TMEM178B: variants seen among roughly 807,000 people sequenced by gnomAD.
The protein encoded by TMEM178B is transmembrane protein 178B.
In TMEM178B, 5 loss-of-function variants were observed where a neutral mutation model predicts 31.0. The observed-to-expected ratio is 0.16, with a 90% CI of 0.08 to 0.34. The LOEUF (loss-of-function observed/expected upper bound fraction) is 0.34, where lower values mean the gene tolerates loss of function less well. Among genes scored for constraint, TMEM178B ranks in the 10% least tolerant of loss-of-function variants. The probability of loss-of-function intolerance (pLI) is 1.00; values close to 1 mark genes in which losing one functional copy is unlikely to be tolerated. For synonymous variants in TMEM178B, 164 were observed against 164.0 expected (o/e 1.00, Z 0.00); for missense variants, 275 against 400.3 (o/e 0.69, Z 2.67).
At chr7:141,363,097 AATC>A (rs1477828822) in intron 2 of TMEM178B, among the ~76,000 whole-genome samples, 4 of 152,186 alleles carry the variant, frequency 2.6e-5, no homozygotes, top group Non-Finnish European at 5.9e-5. Context: ...AGGAGACAAA[AATC>A]ATCGGAAAAG....
At chr7:141,138,515 AGGGT>A (rs2129178728) in intron 1 of TMEM178B, among the ~76,000 whole-genome samples, 1 of 151,828 alleles carries the variant, frequency 6.6e-6, no homozygotes, top group South Asian at 2.1e-4. Context: ...TTGCCTTCTG[AGGGT>A]GGGGGTGGAG....
chr7:141,244,733 A>G (rs1269657398), intron 2 of TMEM178B, among the ~76,000 whole-genome samples: 1 of 152,140 alleles, frequency 6.6e-6, no homozygotes, highest in African/African-American at 2.4e-5. Flanking sequence ...CATGGAATAG[A>G]GGTGATAGTG....
At chr7:141,369,759 G>C (rs1800078928) in intron 2 of TMEM178B, among the ~76,000 whole-genome samples, 1 of 152,138 alleles carries the variant, frequency 6.6e-6, no homozygotes, top group African/African-American at 2.4e-5. Context: ...TCTGTCCCCT[G>C]GAGCCGGGAT....
intron 2 of TMEM178B, among the ~76,000 whole-genome samples, chr7:141,362,480 A>C (rs1223202127): frequency 1.3e-5 from 2 of 152,022 alleles, no homozygotes; most frequent in Non-Finnish European, 2.9e-5. Flanking sequence ...ATTCTCTCCT[A>C]AGCAAGAAAG....
chr7:141,371,002 G>A (rs998103795), intron 2 of TMEM178B, among the ~76,000 whole-genome samples: 3 of 152,236 alleles, frequency 2.0e-5, no homozygotes, highest in Non-Finnish European at 2.9e-5. Flanking sequence ...CGCACTGACA[G>A]ATGAATGGGC....
chr7:141,174,566 A>G (rs908308706), intron 1 of TMEM178B, among the ~76,000 whole-genome samples: 1 of 152,164 alleles, frequency 6.6e-6, no homozygotes, highest in Non-Finnish European at 1.5e-5. Context: ...GAACTAATTT[A>G]CACTCCCACC....
intron 3 of TMEM178B, among the ~76,000 whole-genome samples, chr7:141,445,430 C>T (rs1045772964): frequency 9.2e-5 from 14 of 152,230 alleles, no homozygotes; most frequent in African/African-American, 3.4e-4. Flanking sequence ...GGTTTCCCCA[C>T]CAGCCTTTCC....
rs1454949254 is a variant in TMEM178B, at chr7:141,376,849, C to A, written c.497-60759C>A. 2.6e-5 allele frequency among the ~76,000 whole-genome samples: 4 copies of A among 152,158 alleles called. No homozygotes were observed. The East Asian group carries it at 7.7e-4, about 29-fold the overall frequency. ...AAAGGACATGACAATCAAATAAAAT[C>A]ATCCTTGATTAGATTAAATTGGAGA... On this transcript the variant is annotated intron_variant, in intron 2 of 3. Coordinates refer to ENST00000565468, the MANE Select transcript of TMEM178B (RefSeq NM_001195278.2).
intron 1 of TMEM178B, among the ~76,000 whole-genome samples, chr7:141,211,061 A>G (rs545333496): frequency 1.3e-5 from 2 of 152,262 alleles, no homozygotes; most frequent in South Asian, 2.1e-4. Flanking sequence ...GTGAATGTGA[A>G]TGGAGGAAGT....
intron 1 of TMEM178B, among the ~76,000 whole-genome samples, chr7:141,139,625 A>G (rs1432859451): frequency 6.6e-6 from 1 of 152,090 alleles, no homozygotes; most frequent in Non-Finnish European, 1.5e-5. Flanking sequence ...TACAGGGATG[A>G]GCTGCCACAC....
chr7:141,303,631 C>T (rs1318433841), intron 2 of TMEM178B, among the ~76,000 whole-genome samples: 1 of 152,196 alleles, frequency 6.6e-6, no homozygotes, highest in Non-Finnish European at 1.5e-5. Flanking sequence ...CTGTACAACA[C>T]GTGCAACCAG....
chr7:141,216,430 T>TGC (rs925212078), intron 2 of TMEM178B, among the ~76,000 whole-genome samples: 2 of 71,936 alleles, frequency 2.8e-5, no homozygotes, highest in African/African-American at 8.4e-5. Flanking sequence ...AGCCTGTGTG[T>TGC]GTGTGTGTGT....
intron 3 of TMEM178B, among the ~76,000 whole-genome samples, chr7:141,442,861 A>G (rs960875048): frequency 3.3e-5 from 5 of 152,216 alleles, no homozygotes; most frequent in African/African-American, 9.6e-5. Context: ...ACATTATTTC[A>G]TAGATTACAT....
chr7:141,331,625 C>T (rs1479303607), intron 2 of TMEM178B, among the ~76,000 whole-genome samples: 1 of 152,076 alleles, frequency 6.6e-6, no homozygotes, highest in Non-Finnish European at 1.5e-5. Context: ...GATATAATGA[C>T]CACACATATC....
chr7:141,369,250 A>G (rs1400999475), intron 2 of TMEM178B, among the ~76,000 whole-genome samples: 1 of 151,864 alleles, frequency 6.6e-6, no homozygotes, highest in African/African-American at 2.4e-5. Context: ...ACTACCTAGT[A>G]TAATTTCCTC....
rs1226142502 is a variant in TMEM178B at position 141,271,134 on chromosome 7, AT to A, written c.496+58431del. 4.3e-4 allele frequency among the ~76,000 whole-genome samples: 66 copies of A among 152,238 alleles called. 1 individual carries two copies. The highest frequency in any genetic ancestry group is 1.5e-3 in the African/African-American group (64 of 41,538). On this transcript the variant is annotated intron_variant, in intron 2 of 3. Coordinates refer to ENST00000565468, the MANE Select transcript of TMEM178B (RefSeq NM_001195278.2). ...TAACAGAGGAGTCCCTACCCCAGCA[AT>A]GGCTCCTGGGTGAGACATGCAGCTG...
intron 1 of TMEM178B, among the ~76,000 whole-genome samples, chr7:141,166,870 C>T (rs573041737): frequency 6.6e-6 from 1 of 152,210 alleles, no homozygotes; most frequent in Non-Finnish European, 1.5e-5. Context: ...GCTTTTCCTC[C>T]TGAAGTTTGA....
chr7:141,214,226 C>T (rs2129188101), intron 2 of TMEM178B, among the ~76,000 whole-genome samples: 1 of 152,278 alleles, frequency 6.6e-6, no homozygotes, highest in South Asian at 2.1e-4. Flanking sequence ...GTGGATTAAC[C>T]ATTGAAATCT....
At chr7:141,509,689 C>G in the TMEM178B span, among the ~76,000 whole-genome samples, 1 of 152,108 alleles carries the variant, frequency 6.6e-6, no homozygotes, top group East Asian at 1.9e-4. Flanking sequence ...TTCACAGAAC[C>G]TCAGTAGAGA....
Sources: allele counts gnomAD v4.1 joint callset (sites outside exome capture counted in the v4.1 genomes callset), GRCh38; gene constraint gnomAD v4.1.1; transcripts MANE v1.5; gene names NCBI Gene and HGNC (gene_info 2026-07-23, HGNC 2026-07-21).